The following HAUS8 variants were observed in gnomAD, a reference collection of about 807,000 sequenced individuals.
HAUS8 encodes HAUS augmin like complex subunit 8.
A neutral mutation model predicts 42.9 loss-of-function variants in HAUS8; 38 were observed. That is an observed-to-expected ratio of 0.89 (90% CI 0.68 to 1.16). HAUS8 has a LOEUF of 1.16. Among genes scored for constraint, HAUS8 ranks in the 50% most tolerant of loss-of-function variants. HAUS8 has a pLI of 0.00. For synonymous variants in HAUS8, 199 were observed against 205.8 expected (o/e 0.97, Z 0.28); for missense variants, 494 against 511.6 (o/e 0.97, Z 0.33).
intron 1 of HAUS8, 82 bp downstream of exon 1, chr19:17,075,312 G>T: frequency 6.7e-7 from 1 of 1,491,868 alleles, no homozygotes; most frequent in African/African-American, 1.4e-5. Context: ...CACCCCGAGG[G>T]TCCTAACTCC....
At chr19:17,075,515 G>T (rs898945136), upstream of HAUS8, 24 of 1,419,138 alleles carry the variant, frequency 1.7e-5, no homozygotes, top group African/African-American at 3.4e-4. Context: ...TGGAGACGCA[G>T]GAGGGGTGGC....
At position 17,073,331 on chromosome 19, in the gene HAUS8, G is replaced by T; in HGVS notation, c.34C>A (p.Pro12Thr). The change falls in exon 2 of 11, where the codon CCT becomes ACT. Residue 12 changes from proline (P) to threonine (T), a missense_variant. Coordinates refer to ENST00000253669, the MANE Select transcript of HAUS8 (RefSeq NM_033417.2). Reference sequence around the variant, plus strand: ...CTAGAATTTGTGGGGCCGGTTGCAGGCTTCCTGCAAGAGAAGAGAGAGAGG... The same window carrying T: ...CTAGAATTTGTGGGGCCGGTTGCAGTCTTCCTGCAAGAGAAGAGAGAGAGG... Reference protein sequence around the residue: ...ADSSGRGAGKPATGPTNSSSA... With the variant: ...ADSSGRGAGKTATGPTNSSSA... 2 of 1,613,934 alleles carry T rather than the reference G, an allele frequency of 1.2e-6. No individual in the cohort carries two copies. Among genetic ancestry groups the T allele is most frequent in the Non-Finnish European group, 8.5e-7 (1 of 1,179,876 alleles).
At chr19:17,055,339 CAAAAAAAAAAAA>C (rs11315045) in intron 9 of HAUS8, among the ~76,000 whole-genome samples, 1 of 49,494 alleles carries the variant, frequency 2.0e-5, no homozygotes, top group Non-Finnish European at 3.4e-5. Flanking sequence ...GATGCTGTCT[CAAAAAAAAAAAA>C]AAAAAAAAAA....
At chr19:17,053,966 T>C (rs1346945815) in intron 9 of HAUS8, among the ~76,000 whole-genome samples, 1 of 152,004 alleles carries the variant, frequency 6.6e-6, no homozygotes, top group Non-Finnish European at 1.5e-5. Flanking sequence ...CTGAGCCTGA[T>C]GCAGGAAATT....
intron 9 of HAUS8, chr19:17,053,394 C>CCGAGA: frequency 5.3e-6 from 1 of 189,874 alleles, no homozygotes; most frequent in South Asian, 1.0e-4. Context: ...CAACACGCCT[C>CCGAGA]TCTACCCTGA....
rs554599576 is a variant in HAUS8 at position 17,071,607 on chromosome 19, T to G, written c.91+1667A>C. On this transcript the variant is annotated intron_variant, in intron 2 of 10. Coordinates refer to ENST00000253669, the MANE Select transcript of HAUS8 (RefSeq NM_033417.2). ...TTCTAGTAGCATCAGGAAACAGTTTTGCTCAACAAGGAGGATCTCAGGCTT... is the reference window on the plus strand; with the variant it reads ...TTCTAGTAGCATCAGGAAACAGTTTGGCTCAACAAGGAGGATCTCAGGCTT... Among the ~76,000 whole-genome samples the G allele has an allele frequency of 1.1e-4, 17 of 152,312 alleles. No individual in the cohort carries two copies. In the East Asian group the frequency reaches 2.7e-3, roughly 24 times the overall value.
chr19:17,065,153 C>T (rs188109571), intron 3 of HAUS8, among the ~76,000 whole-genome samples: 2 of 152,336 alleles, frequency 1.3e-5, no homozygotes, highest in Non-Finnish European at 2.9e-5. Flanking sequence ...TATCACTTCA[C>T]ACCCACAAGA....
At position 17,059,665 on chromosome 19, in the gene HAUS8, C is replaced by T; in HGVS notation, c.326-14G>A. On this transcript the variant is annotated splice_polypyrimidine_tract_variant and intron_variant, in intron 5 of 10. Transcript: ENST00000253669. ...CGATGCTTTTGTCTAAGATAAAGCACAGCATTTTTAATGGCAAGTAGCGTA... is the reference window on the plus strand; with the variant it reads ...CGATGCTTTTGTCTAAGATAAAGCATAGCATTTTTAATGGCAAGTAGCGTA... 2 of 1,592,496 alleles carry T rather than the reference C, an allele frequency of 1.3e-6. No homozygotes were observed. Among genetic ancestry groups the T allele is most frequent in the Non-Finnish European group, 1.7e-6 (2 of 1,161,770 alleles).
Position 17,069,044 on chromosome 19 carries a change from T to C in HAUS8, c.134A>G (p.Lys45Arg). Residue 45 changes from lysine (K) to arginine (R), a missense_variant, in exon 3 of 11, where the codon AAG (lysine) becomes AGG (arginine). Coordinates refer to ENST00000253669, the MANE Select transcript of HAUS8 (RefSeq NM_033417.2). ...GTGCGGCCTTACCTTTTGGGTTGTC[T>C]TCTTTTCATACTGCAGATACCGGGA... ...IESRYLQYEK[K>R]TTQKAPAGDG... The C allele has an allele frequency of 6.2e-7, 1 of 1,613,380 alleles. No homozygotes were observed. The highest frequency in any genetic ancestry group is 8.5e-7 in the Non-Finnish European group (1 of 1,179,688).
chr19:17,069,154 CA>C, intron 2 of HAUS8, 68 bp from the exon 3 acceptor site: 1 of 1,434,260 alleles, frequency 7.0e-7, no homozygotes, highest in East Asian at 2.4e-5. Context: ...ACCCAGACCC[CA>C]CGCCCCGGAG....
At chr19:17,055,198 G>T (rs2057317784) in intron 9 of HAUS8, 1 of 96,618 alleles carries the variant, frequency 1.0e-5, no homozygotes. Context: ...ATATAAGCCA[G>T]GTGTGGTGGT....
chr19:17,050,547 G>A (rs1180681460), intron 10 of HAUS8, among the ~76,000 whole-genome samples: 2 of 152,094 alleles, frequency 1.3e-5, no homozygotes, highest in African/African-American at 4.8e-5. Context: ...ATGGCTTGAG[G>A]CCAGGAGTTC....
At chr19:17,073,720 G>A (rs952107832) in intron 1 of HAUS8, 7 of 227,034 alleles carry the variant, frequency 3.1e-5, no homozygotes, top group Non-Finnish European at 6.3e-5. Context: ...ACAACATCTT[G>A]ACAGGCAGGT....
At chr19:17,062,516 C>A (rs2057366695) in intron 4 of HAUS8, among the ~76,000 whole-genome samples, 182 bp downstream of exon 4, 1 of 152,132 alleles carries the variant, frequency 6.6e-6, no homozygotes, top group Non-Finnish European at 1.5e-5. Flanking sequence ...ATGATCTCCC[C>A]TTTGCTCCGC....
intron 8 of HAUS8, among the ~76,000 whole-genome samples, chr19:17,056,622 GCT>G (rs1001498176): frequency 6.6e-6 from 1 of 151,722 alleles, no homozygotes; most frequent in African/African-American, 2.4e-5. Flanking sequence ...ATGGAATCTT[GCT>G]CTGTCTCCCA....
At chr19:17,055,754 G>A (rs2057321620) in intron 9 of HAUS8, 107 bp downstream of exon 9, 2 of 1,264,472 alleles carry the variant, frequency 1.6e-6, no homozygotes, top group South Asian at 1.4e-5. Flanking sequence ...CTCTGCCTTA[G>A]TTGGGGAAGA....
In HAUS8 at chr19:17,068,815, G is replaced by C. The variant is rs113263245; in HGVS notation, c.147+216C>G. ...ATACCATGTTTCAATGGAGATCACA[G>C]CTTCGTAAAAGAGATGCTTATAGCC... On this transcript the variant is annotated intron_variant, in intron 3 of 10. Transcript: ENST00000253669. 3.6e-3 allele frequency among the ~76,000 whole-genome samples: 552 copies of C among 152,216 alleles called. 3 individuals carry two copies. The highest frequency in any genetic ancestry group is 0.013 in the African/African-American group (531 of 41,552).
intron 2 of HAUS8, among the ~76,000 whole-genome samples, chr19:17,071,496 A>G (rs549554992): frequency 1.3e-5 from 2 of 152,290 alleles, no homozygotes; most frequent in South Asian, 2.1e-4. Flanking sequence ...CCAGGCCACA[A>G]AAAGAGTCTA....
rs756656147 is a variant in HAUS8 at position 17,055,847 on chromosome 19, G to A, written c.787+14C>T. 8.7e-6 allele frequency: 14 copies of A among 1,610,440 alleles called. No homozygotes were observed. The highest frequency in any genetic ancestry group is 3.3e-5 in the Admixed American group (2 of 59,876). ...CCGCCTGCTGCACACGCACTGGGAC[G>A]CCCCGTTTCCTACCTAAGAGCTGCT... On this transcript the variant is annotated intron_variant, in intron 9 of 10. Transcript: ENST00000253669.
Sources: gnomAD v4.1 joint callset for allele counts (sites outside exome capture counted in the v4.1 genomes callset) on GRCh38, gnomAD v4.1.1 for gene constraint, MANE v1.5 for transcripts, NCBI Gene and HGNC (gene_info 2026-07-23, HGNC 2026-07-21) for gene names.